Variants in SORCS3 observed in about 807,000 individuals in gnomAD.
The protein encoded by SORCS3 is sortilin related VPS10 domain containing receptor 3, also known as VPS10 domain-containing receptor SorCS3.
A neutral mutation model predicts 146.3 loss-of-function variants in SORCS3; 57 were observed. That is an observed-to-expected ratio of 0.39 (90% CI 0.31 to 0.49). The LOEUF (loss-of-function observed/expected upper bound fraction) is 0.49. Among genes scored for constraint, SORCS3 ranks in the 20% least tolerant of loss-of-function variants. SORCS3 has a pLI of 0.92. For synonymous variants in SORCS3, 653 were observed against 618.5 expected (o/e 1.06, Z -0.83); for missense variants, 1,341 against 1,575.5 (o/e 0.85, Z 2.52).
intron 14 of SORCS3, among the ~76,000 whole-genome samples, chr10:105,179,224 G>A (rs1030564118): frequency 2.0e-5 from 3 of 152,162 alleles, no homozygotes; most frequent in Admixed American, 6.6e-5. Context: ...AACATCATGT[G>A]TATGCCAATC....
intron 4 of SORCS3, among the ~76,000 whole-genome samples, chr10:105,033,078 C>T (rs558409414): frequency 6.6e-6 from 1 of 152,222 alleles, no homozygotes; most frequent in South Asian, 2.1e-4. Flanking sequence ...TCAGTAAATA[C>T]TGTGTAAATT....
intron 1 of SORCS3, among the ~76,000 whole-genome samples, chr10:104,785,252 C>T (rs1240426944): frequency 6.8e-6 from 1 of 147,686 alleles, no homozygotes; most frequent in East Asian, 2.0e-4. Flanking sequence ...AATTCCTCTG[C>T]CTTGGGATCC....
chr10:105,070,905 C>A (rs146326150), intron 5 of SORCS3, among the ~76,000 whole-genome samples: 1 of 152,258 alleles, frequency 6.6e-6, no homozygotes, highest in Non-Finnish European at 1.5e-5. Flanking sequence ...GCCAGTTGTA[C>A]AGAAAAAGTT....
intron 20 of SORCS3, among the ~76,000 whole-genome samples, chr10:105,233,737 A>T (rs960671521): frequency 3.3e-5 from 5 of 152,124 alleles, no homozygotes; most frequent in Admixed American, 3.3e-4. Context: ...AAGGACATGA[A>T]CTCATCCTTT....
chr10:104,693,150 A>G (rs2016134166), intron 1 of SORCS3, among the ~76,000 whole-genome samples: 1 of 152,244 alleles, frequency 6.6e-6, no homozygotes, highest in South Asian at 2.1e-4. Context: ...TGGGGCTGGC[A>G]GATCCAGGAA....
At chr10:105,209,234 TG>T (rs912954824) in intron 16 of SORCS3, among the ~76,000 whole-genome samples, 1 of 152,048 alleles carries the variant, frequency 6.6e-6, no homozygotes, top group African/African-American at 2.4e-5. Context: ...TTCCACCTCC[TG>T]GGTTCAAGCG....
In SORCS3 at chr10:105,223,205, C is replaced by G. The variant is rs139004045; in HGVS notation, c.2824C>G (p.Leu942Val). ...NISAVVWPSQ[L>V]GTLTYFWWFG... Reference sequence around the variant, plus strand: ...CAGTGCAGTCGTGTGGCCCAGTCAACTGGGGACCCTTACCTATTTCTGGTG... The same window carrying G: ...CAGTGCAGTCGTGTGGCCCAGTCAAGTGGGGACCCTTACCTATTTCTGGTG... The change falls in exon 20 of 27, where the codon CTG (leucine) becomes GTG (valine). Residue 942 changes from leucine (L) to valine (V), a missense_variant. Coordinates refer to ENST00000369701, the MANE Select transcript of SORCS3 (RefSeq NM_014978.3). 21 of 1,613,104 alleles carry G rather than the reference C, an allele frequency of 1.3e-5. No individual in the cohort carries two copies. The highest frequency in any genetic ancestry group is 1.8e-5 in the Non-Finnish European group (21 of 1,179,340).
At chr10:104,890,779 C>G (rs1272053658) in intron 2 of SORCS3, among the ~76,000 whole-genome samples, 2 of 152,126 alleles carry the variant, frequency 1.3e-5, no homozygotes, top group Non-Finnish European at 2.9e-5. Context: ...TAGCAGAATT[C>G]CTGTCCTCCA....
chr10:104,774,057 A>G lies in SORCS3; in HGVS notation c.628-68735A>G, dbSNP rs539826992. Among the ~76,000 whole-genome samples, 36 of 152,288 alleles carry G rather than the reference A, an allele frequency of 2.4e-4. 1 individual carries two copies. The highest frequency in any genetic ancestry group is 8.7e-4 in the African/African-American group (36 of 41,558). On this transcript the variant is annotated intron_variant, in intron 1 of 26. Transcript: ENST00000369701. ...AGTATTGTTTTAAATTTTACCTTAA[A>G]AAGTGTAATATTCTCTGTTGTGTTT...
At chr10:105,235,577 C>T (rs1184549124) in intron 20 of SORCS3, among the ~76,000 whole-genome samples, 2 of 151,796 alleles carry the variant, frequency 1.3e-5, no homozygotes, top group African/African-American at 4.8e-5. Flanking sequence ...GGTACGACCT[C>T]AGACTTGGAA....
intron 7 of SORCS3, among the ~76,000 whole-genome samples, chr10:105,137,735 A>C (rs2056068579): frequency 6.6e-6 from 1 of 152,228 alleles, no homozygotes; most frequent in African/African-American, 2.4e-5. Flanking sequence ...GAGACTCTGC[A>C]GATGGGCCTT....
At chr10:104,869,224 T>C (rs1412577754) in intron 2 of SORCS3, among the ~76,000 whole-genome samples, 2 of 152,102 alleles carry the variant, frequency 1.3e-5, no homozygotes, top group Non-Finnish European at 2.9e-5. Context: ...ATTATGTGAT[T>C]TTAGAGGCTG....
intron 4 of SORCS3, among the ~76,000 whole-genome samples, chr10:104,988,669 G>A (rs2054975934): frequency 6.6e-6 from 1 of 152,122 alleles, no homozygotes; most frequent in Non-Finnish European, 1.5e-5. Flanking sequence ...CTTTAATATG[G>A]TAATGAAGAG....
chr10:105,027,670 G>A (rs1358323656), intron 4 of SORCS3, among the ~76,000 whole-genome samples: 1 of 152,158 alleles, frequency 6.6e-6, no homozygotes, highest in Non-Finnish European at 1.5e-5. Flanking sequence ...GCAACACTCT[G>A]CCTTCTGGCT....
At chr10:105,009,527 C>CAAAAAAAAAAAAAAAAAAAAAAAAAAAAA (rs35368294) in intron 4 of SORCS3, among the ~76,000 whole-genome samples, 16 of 105,202 alleles carry the variant, frequency 1.5e-4, no homozygotes, top group East Asian at 3.4e-4. Context: ...AACAAACAAA[C>CAAAAAAAAAAAAAAAAAAAAAAAAAAAAA]AAAAAAAAAA....
At chr10:104,802,818 T>G (rs551983401) in intron 1 of SORCS3, among the ~76,000 whole-genome samples, 14 of 152,242 alleles carry the variant, frequency 9.2e-5, no homozygotes, top group South Asian at 2.1e-4. Flanking sequence ...AAATTGAGTT[T>G]TTTCACTCTT....
chr10:105,134,006 G>A (rs745574738), intron 7 of SORCS3, among the ~76,000 whole-genome samples: 6 of 152,084 alleles, frequency 3.9e-5, no homozygotes, highest in Non-Finnish European at 5.9e-5. Flanking sequence ...CAGATTTTCC[G>A]GGAATGCAAG....
rs773070575 is a variant in SORCS3 at position 104,886,019 on chromosome 10, G to A, written c.696-29814G>A. On this transcript the variant is annotated intron_variant, in intron 2 of 26. Coordinates refer to ENST00000369701, the MANE Select transcript of SORCS3 (RefSeq NM_014978.3). Reference sequence around the variant, plus strand: ...GTAAAAGATAACCCATTTAACAGCTGAAAAAACTGAGGAACCATAAATATC... The same window carrying A: ...GTAAAAGATAACCCATTTAACAGCTAAAAAAACTGAGGAACCATAAATATC... 1.6e-4 allele frequency among the ~76,000 whole-genome samples: 24 copies of A among 152,146 alleles called. 1 individual carries two copies. The highest frequency in any genetic ancestry group is 5.2e-4 in the Admixed American group (8 of 15,274).
chr10:104,843,841 G>A (rs1233328789), intron 2 of SORCS3, among the ~76,000 whole-genome samples: 2 of 152,218 alleles, frequency 1.3e-5, no homozygotes, highest in East Asian at 3.9e-4. Context: ...TGAGACTTGA[G>A]GTGTTGTGTG....
Sources: gnomAD v4.1 joint callset for allele counts (sites outside exome capture counted in the v4.1 genomes callset) on GRCh38, gnomAD v4.1.1 for gene constraint, MANE v1.5 for transcripts, NCBI Gene and HGNC (gene_info 2026-07-23, HGNC 2026-07-21) for gene names.